CLCC1: variants seen among roughly 807,000 people sequenced by gnomAD.
CLCC1 encodes chloride channel CLIC like 1, also known as chloride channel CLIC-like protein 1.
CLCC1 carries 39 observed loss-of-function variants against 63.3 expected under a neutral mutation model. The ratio of observed to expected loss-of-function variants is 0.62; its 90% confidence interval spans 0.48 to 0.81. The LOEUF (loss-of-function observed/expected upper bound fraction) is 0.81, where lower values mean the gene tolerates loss of function less well. CLCC1 is among the 30% of genes least tolerant of loss of function. The pLI is 0.00. For missense variants in CLCC1, 549 were observed against 669.4 expected, an observed-to-expected ratio of 0.82 and a Z score of 1.98; for synonymous variants, 217 against 239.8, an observed-to-expected ratio of 0.90 and a Z score of 0.88.
At chr1:108,941,949 A>G (rs2101647548) in intron 7 of CLCC1, among the ~76,000 whole-genome samples, 1 of 152,342 alleles carries the variant, frequency 6.6e-6, no homozygotes, top group South Asian at 2.1e-4. Flanking sequence ...TATTATTTGT[A>G]AAGAGTAGCT....
Position 108,936,831 on chromosome 1 carries a change from T to C in CLCC1, c.1383+246A>G, listed in dbSNP as rs116996467. Among the ~76,000 whole-genome samples the C allele has an allele frequency of 6.6e-5, 10 of 152,356 alleles. No homozygotes were observed. In the East Asian group the frequency reaches 1.7e-3, roughly 26 times the overall value. On this transcript the variant is annotated intron_variant, in intron 11 of 12. Coordinates refer to ENST00000369969, the MANE Select transcript of CLCC1 (RefSeq NM_001377458.1). ...TACGCTGGCTTCCCATGAAGGTTCA[T>C]ATGAATTACCATCTGCTCTAACAAA...
Position 108,932,298 on chromosome 1 carries a change from C to T in CLCC1, c.*249G>A, listed in dbSNP as rs1463529185. On this transcript the variant is annotated 3_prime_UTR_variant, in exon 13 of 13. Transcript: ENST00000369969. ...AAAAAGTAAAATTTCAAAAAAGCTT[C>T]ACAATATAAACCTTAATTTTAATGA... 6.6e-6 allele frequency: 1 copy of T among 152,078 alleles called. No homozygotes were observed. Among genetic ancestry groups the T allele is most frequent in the Admixed American group, 6.6e-5 (1 of 15,256 alleles). 9.4% of individuals were successfully genotyped at this position (152,078 alleles called of 1,614,324 possible). A position where few individuals can be genotyped will look rare whatever the true frequency, so the allele number is the denominator to read the frequency against.
intron 5 of CLCC1, 106 bp from the exon 6 acceptor site, chr1:108,944,163 G>T: frequency 1.3e-6 from 1 of 783,530 alleles, no homozygotes; most frequent in Non-Finnish European, 2.0e-6. Flanking sequence ...TTAGTTTGCA[G>T]TATTTCATAT....
chr1:108,961,634 C>A (rs1428264315), intron 2 of CLCC1, among the ~76,000 whole-genome samples: 2 of 152,106 alleles, frequency 1.3e-5, no homozygotes, highest in Non-Finnish European at 2.9e-5. Flanking sequence ...CCAAGGCGGG[C>A]GCATCACCTG....
intron 12 of CLCC1, 110 bp downstream of exon 12, chr1:108,934,515 G>T: frequency 1.3e-6 from 1 of 794,850 alleles, no homozygotes; most frequent in Non-Finnish European, 1.9e-6. Context: ...AATTCTAATT[G>T]TCAGTAAAAA....
In CLCC1 at chr1:108,941,667, T is replaced by C. The variant is rs562182778; in HGVS notation, c.703-169A>G. Among the ~76,000 whole-genome samples the C allele has an allele frequency of 1.2e-4, 19 of 152,318 alleles. No homozygotes were observed. In the East Asian group the frequency reaches 3.1e-3, roughly 25 times the overall value. On this transcript the variant is annotated intron_variant, in intron 7 of 12. Coordinates refer to ENST00000369969, the MANE Select transcript of CLCC1 (RefSeq NM_001377458.1). Reference sequence around the variant, plus strand: ...TATTATTACTATTTTTTCTCTTTTTTTCCTGAGACGGAGTCTCGCCCTGTC... The same window carrying C: ...TATTATTACTATTTTTTCTCTTTTTCTCCTGAGACGGAGTCTCGCCCTGTC...
At chr1:108,938,790 G>A (rs144953925) in intron 10 of CLCC1, among the ~76,000 whole-genome samples, 27 of 152,188 alleles carry the variant, frequency 1.8e-4, no homozygotes, top group Admixed American at 3.3e-4. Context: ...CCCCCTTTCT[G>A]GGAGACAGAA....
chr1:108,937,416 ACT>A lies in CLCC1; in HGVS notation c.1042_1043del (p.Ser348PhefsTer19). On this transcript the variant is annotated frameshift_variant and splice_region_variant, in exon 11 of 13. Transcript: ENST00000369969. LOFTEE classifies it high-confidence loss of function. ...VLIIMALAIL[S>X]FCYGAGKSVH... ...CTGATTTTCCAGCACCATAGCAGAA[ACT>A]CTGTAAGGAAAAGAAATACATTTTC... 6.3e-7 allele frequency: 1 copy of A among 1,579,464 alleles called. No individual in the cohort carries two copies. Among genetic ancestry groups the A allele is most frequent in the Non-Finnish European group, 8.6e-7 (1 of 1,163,458 alleles).
rs751405860 is a variant in CLCC1, at chr1:108,949,807, T to TA, written c.231+12dup. 3.6e-5 allele frequency: 50 copies of TA among 1,374,136 alleles called. No homozygotes were observed. Among genetic ancestry groups the TA allele is most frequent in the Non-Finnish European group, 4.7e-5 (47 of 999,580 alleles). 85.1% of individuals were successfully genotyped at this position (1,374,136 alleles called of 1,614,324 possible). A position where few individuals can be genotyped will look rare whatever the true frequency, so the allele number is the denominator to read the frequency against. ...AATATAAAAATATAAAATTTATCAA[T>TA]AAAAAAACTAACCTTATAAGTTAAA... On this transcript the variant is annotated intron_variant, in intron 4 of 12. Coordinates refer to ENST00000369969, the MANE Select transcript of CLCC1 (RefSeq NM_001377458.1).
chr1:108,956,874 T>TGGGAGGCA (rs1253596209), intron 2 of CLCC1, among the ~76,000 whole-genome samples: 1 of 24,020 alleles, frequency 4.2e-5, no homozygotes. Flanking sequence ...GGGAATGAGC[T>TGGGAGGCA]GGGAGGCAGG....
chr1:108,934,935 G>T lies in CLCC1; in HGVS notation c.1391C>A (p.Ser464Ter). 1 of 1,607,616 alleles carries T rather than the reference G, an allele frequency of 6.2e-7. No individual in the cohort carries two copies. The highest frequency in any genetic ancestry group is 8.5e-7 in the Non-Finnish European group (1 of 1,175,936). The change falls in exon 12 of 13, where the codon TCA becomes TAA. Residue 464 changes from serine (S) to a stop codon, truncating the protein, a stop_gained. Coordinates refer to ENST00000369969, the MANE Select transcript of CLCC1 (RefSeq NM_001377458.1). LOFTEE classifies it high-confidence loss of function. ...EHPTVVPSHK[S>*]PVLDTKPKET... ...CTTGGGCTTTGTATCCAAAACAGGT[G>T]ATTTATGCTATAAAGTACAAAATTA...
intron 2 of CLCC1, 85 bp from the exon 3 acceptor site, chr1:108,950,533 A>T: frequency 1.1e-5 from 8 of 743,332 alleles, no homozygotes; most frequent in East Asian, 4.7e-5. Flanking sequence ...TATTATTATT[A>T]TTTTTAGAGA....
Position 108,937,385 on chromosome 1 carries a change from C to T in CLCC1, c.1075G>A (p.Val359Met). The change falls in exon 11 of 13, where the codon GTG becomes ATG. Residue 359 changes from valine to methionine, a missense_variant. By Grantham distance (21) the Val-to-Met change is conservative (BLOSUM62 1). Transcript: ENST00000369969. ...FCYGAGKSVH[V>M]LRHIGGPESE... ...TCAGGACCGCCTATATGTCTCAGCA[C>T]ATGAACTGATTTTCCAGCACCATAG... is the stretch of plus-strand genomic sequence containing the variant. 1 of 1,610,254 alleles carries T rather than the reference C, an allele frequency of 6.2e-7. No homozygotes were observed. Among genetic ancestry groups the T allele is most frequent in the Non-Finnish European group, 8.5e-7 (1 of 1,178,444 alleles).
At chr1:108,940,240 C>T in intron 8 of CLCC1, 98 bp from the exon 9 acceptor site, 2 of 644,308 alleles carry the variant, frequency 3.1e-6, no homozygotes, top group East Asian at 5.9e-5. Flanking sequence ...CCCTGACCAC[C>T]CACCAATGAG....
chr1:108,957,252 G>A (rs1336099454), intron 2 of CLCC1, among the ~76,000 whole-genome samples: 1 of 151,460 alleles, frequency 6.6e-6, no homozygotes, highest in Non-Finnish European at 1.5e-5. Flanking sequence ...AATGATGACT[G>A]TATGTCTCAG....
chr1:108,939,957 T>C (rs1653622324), intron 9 of CLCC1, 88 bp downstream of exon 9: 4 of 1,296,920 alleles, frequency 3.1e-6, no homozygotes, highest in Non-Finnish European at 4.3e-6. Flanking sequence ...AAACGCTTAT[T>C]AGCAAAATGA....
chr1:108,944,192 G>C, intron 5 of CLCC1, 135 bp from the exon 6 acceptor site: 1 of 678,120 alleles, frequency 1.5e-6, no homozygotes, highest in Non-Finnish European at 2.5e-6. Context: ...ATAATAGCCT[G>C]GGCAAGGTAG....
In CLCC1 at chr1:108,932,499, T is replaced by C. The variant is rs549656996; in HGVS notation, c.*48A>G. On this transcript the variant is annotated splice_region_variant and 3_prime_UTR_variant, in exon 13 of 13. Transcript: ENST00000369969. ...AAAGTAGACTTCATCCCCAAATGGA[T>C]ATCTGTAATGAAAGAATACAAAGGT... 1 of 152,348 alleles carries C rather than the reference T, an allele frequency of 6.6e-6. No homozygotes were observed. The highest frequency in any genetic ancestry group is 2.1e-4 in the South Asian group (1 of 4,830). The allele number at this position is 152,348 out of a possible 1,614,324, so 9.4% of individuals were successfully genotyped here.
At chr1:108,954,112 G>A (rs1284074210) in intron 2 of CLCC1, among the ~76,000 whole-genome samples, 2 of 151,028 alleles carry the variant, frequency 1.3e-5, no homozygotes, top group Non-Finnish European at 2.9e-5. Context: ...AAGTGCTCAA[G>A]ATGGGAGAGG....
Sources: allele counts gnomAD v4.1 joint callset (sites outside exome capture counted in the v4.1 genomes callset), GRCh38; gene constraint gnomAD v4.1.1; transcripts MANE v1.5; gene names NCBI Gene and HGNC (gene_info 2026-07-23, HGNC 2026-07-21).